Variants in NTM observed in about 807,000 individuals in gnomAD.
The protein encoded by NTM is IgLON family member 2.
A neutral mutation model predicts 42.1 loss-of-function variants in NTM; 13 were observed. That is an observed-to-expected ratio of 0.31 (90% CI 0.20 to 0.49). The LOEUF is 0.49. Ranked by LOEUF, NTM falls within the 20% of genes least tolerant of loss-of-function variation. The pLI, the probability that NTM is intolerant of heterozygous loss-of-function variation, is 0.99. For synonymous variants in NTM, 187 were observed against 179.2 expected, an observed-to-expected ratio of 1.04 and a Z score of -0.35; for missense variants, 373 against 452.8, an observed-to-expected ratio of 0.82 and a Z score of 1.60.
At chr11:131,468,146 G>A (rs1456478429) in intron 1 of NTM, among the ~76,000 whole-genome samples, 1 of 152,182 alleles carries the variant, frequency 6.6e-6, no homozygotes, top group African/African-American at 2.4e-5. Flanking sequence ...CAGGTGCACA[G>A]CCTGCCCACT....
intron 1 of NTM, among the ~76,000 whole-genome samples, chr11:131,672,803 G>A (rs1435582358): frequency 6.6e-6 from 1 of 151,494 alleles, no homozygotes; most frequent in East Asian, 2.0e-4. Flanking sequence ...GAAAGGCTTT[G>A]CGATAAGTTC....
chr11:132,294,654 G>A (rs1379031777), intron 4 of NTM, among the ~76,000 whole-genome samples: 2 of 152,132 alleles, frequency 1.3e-5, no homozygotes, highest in Non-Finnish European at 2.9e-5. Context: ...TCAATGGCAG[G>A]CAAAGCCCTT....
intron 2 of NTM, among the ~76,000 whole-genome samples, chr11:132,067,862 G>A (rs556016742): frequency 3.5e-4 from 53 of 152,158 alleles, no homozygotes; most frequent in Non-Finnish European, 7.2e-4. Flanking sequence ...TTCTTTCTAT[G>A]GAATTTTGGG....
chr11:131,698,638 G>A (rs1392231118), intron 1 of NTM, among the ~76,000 whole-genome samples: 3 of 152,204 alleles, frequency 2.0e-5, no homozygotes, highest in Admixed American at 6.5e-5. Flanking sequence ...AAGCCAAGGA[G>A]GAGAAGGATA....
At chr11:131,777,143 A>G (rs2135969909) in intron 1 of NTM, 4 of 781,784 alleles carry the variant, frequency 5.1e-6, no homozygotes, top group Non-Finnish European at 6.2e-6. Flanking sequence ...TATATTGCAT[A>G]TAACATCTCC....
At chr11:132,100,576 A>G (rs2136543196) in intron 2 of NTM, among the ~76,000 whole-genome samples, 1 of 152,208 alleles carries the variant, frequency 6.6e-6, no homozygotes, top group East Asian at 1.9e-4. Context: ...CCATTTCTTC[A>G]TTTCCTTTGG....
chr11:132,072,841 G>C (rs2057879114), intron 2 of NTM, among the ~76,000 whole-genome samples: 1 of 152,260 alleles, frequency 6.6e-6, no homozygotes, highest in African/African-American at 2.4e-5. Flanking sequence ...GCCTGTGTGT[G>C]GGGTTTCAGG....
chr11:132,121,332 CAA>C (rs1257150316), intron 2 of NTM, among the ~76,000 whole-genome samples: 1 of 151,798 alleles, frequency 6.6e-6, no homozygotes. Context: ...AAATATAAAA[CAA>C]AATGCATAAA....
At chr11:131,810,260 C>T (rs1196823263) in intron 1 of NTM, among the ~76,000 whole-genome samples, 2 of 152,190 alleles carry the variant, frequency 1.3e-5, no homozygotes, top group African/African-American at 4.8e-5. Flanking sequence ...AACACATTGA[C>T]TCCCTGTCCC....
chr11:132,169,632 C>A (rs1450093023), intron 3 of NTM, among the ~76,000 whole-genome samples: 1 of 151,898 alleles, frequency 6.6e-6, no homozygotes, highest in Non-Finnish European at 1.5e-5. Flanking sequence ...CTGTGCCGGG[C>A]CAATTTTTTA....
In NTM at chr11:131,652,405, G is replaced by A. The variant is rs550159811; in HGVS notation, c.83-259159G>A. ...TGGCCACAAACCAGAACAAAGCAAG[G>A]TGGTGCCCCAGGCCTTGTTCCCTTG... On this transcript the variant is annotated intron_variant, in intron 1 of 8. Transcript: ENST00000683400. Among the ~76,000 whole-genome samples the A allele has an allele frequency of 7.6e-4, 116 of 152,272 alleles. No individual in the cohort carries two copies. In the South Asian group the frequency reaches 9.3e-3, roughly 12 times the overall value.
chr11:132,255,522 T>C lies in NTM; in HGVS notation c.526+43375T>C, dbSNP rs79814028. ...CTGTTTGATTAGCTGTAAAACAAAA[T>C]CCAGAAAATGCCAAGAGGCAAATCT... On this transcript the variant is annotated intron_variant, in intron 4 of 8. Coordinates refer to ENST00000683400, the MANE Select transcript of NTM (RefSeq NM_001352005.2). Among the ~76,000 whole-genome samples the C allele has an allele frequency of 6.7e-3, 1,020 of 152,258 alleles. 13 individuals carry two copies. The highest frequency in any genetic ancestry group is 0.023 in the African/African-American group (949 of 41,552).
chr11:131,494,771 C>T (rs1591825415), intron 1 of NTM, among the ~76,000 whole-genome samples: 1 of 152,226 alleles, frequency 6.6e-6, no homozygotes, highest in Admixed American at 6.5e-5. Flanking sequence ...TAGCTCTGCC[C>T]TGCAAGTTCC....
rs115963113 is a variant in NTM at position 131,919,308 on chromosome 11, T to C, written c.167+7660T>C. Among the ~76,000 whole-genome samples the C allele has an allele frequency of 3.9e-3, 590 of 152,272 alleles. 3 individuals are homozygous for C. The highest frequency in any genetic ancestry group is 0.014 in the African/African-American group (569 of 41,558). ...AAGTTGATGGGTTCCCACTGTGTAA[T>C]AGATAACTAATACTAAATAAATAAT... On this transcript the variant is annotated intron_variant, in intron 2 of 8. Coordinates refer to ENST00000683400, the MANE Select transcript of NTM (RefSeq NM_001352005.2).
intron 1 of NTM, among the ~76,000 whole-genome samples, chr11:131,401,443 T>C (rs972441816): frequency 6.6e-6 from 1 of 152,034 alleles, no homozygotes; most frequent in African/African-American, 2.4e-5. Context: ...TTTAACCTGA[T>C]TAAATGGAAC....
intron 7 of NTM, among the ~76,000 whole-genome samples, chr11:132,325,854 C>T (rs1017122834): frequency 1.3e-5 from 2 of 152,126 alleles, no homozygotes; most frequent in Non-Finnish European, 2.9e-5. Flanking sequence ...ATGATGAGTT[C>T]ATGTCCTTTG....
intron 1 of NTM, among the ~76,000 whole-genome samples, chr11:131,775,322 T>C (rs112810065): frequency 2.6e-5 from 4 of 152,250 alleles, no homozygotes; most frequent in Admixed American, 6.5e-5. Context: ...TAATAACTAA[T>C]AATAACTACT....
At chr11:132,150,218 C>T (rs1048011937) in intron 3 of NTM, among the ~76,000 whole-genome samples, 3 of 152,058 alleles carry the variant, frequency 2.0e-5, no homozygotes, top group African/African-American at 7.2e-5. Context: ...CACCAGCTTT[C>T]GAGAAAGCTA....
At chr11:131,672,136 G>T (rs1284844592) in intron 1 of NTM, among the ~76,000 whole-genome samples, 5 of 152,246 alleles carry the variant, frequency 3.3e-5, no homozygotes, top group Non-Finnish European at 7.3e-5. Flanking sequence ...GGGAGGACCG[G>T]CCTTCTTGGC....
Sources: gnomAD v4.1 joint callset for allele counts (sites outside exome capture counted in the v4.1 genomes callset) on GRCh38, gnomAD v4.1.1 for gene constraint, MANE v1.5 for transcripts, NCBI Gene and HGNC (gene_info 2026-07-23, HGNC 2026-07-21) for gene names.